ASTN2: variants seen among roughly 807,000 people sequenced by gnomAD.
The protein encoded by ASTN2 is astrotactin-2.
ASTN2 carries 54 observed loss-of-function variants against 139.8 expected under a neutral mutation model. That is an observed-to-expected ratio of 0.39 (90% CI 0.31 to 0.48). The LOEUF is 0.48. Among genes scored for constraint, ASTN2 ranks in the 20% least tolerant of loss-of-function variants. ASTN2 has a pLI of 0.95. For missense variants in ASTN2, 1,565 were observed against 1,725.1 expected, an observed-to-expected ratio of 0.91 and a Z score of 1.64; for synonymous variants, 756 against 719.5, an observed-to-expected ratio of 1.05 and a Z score of -0.81.
At chr9:117,262,948 G>A (rs1272252695) in intron 2 of ASTN2, among the ~76,000 whole-genome samples, 1 of 152,142 alleles carries the variant, frequency 6.6e-6, no homozygotes, top group Non-Finnish European at 1.5e-5. Context: ...GGAAAGGGCA[G>A]GAAATCATAT....
chr9:116,891,939 T>C (rs551554073), intron 10 of ASTN2, among the ~76,000 whole-genome samples: 32 of 152,328 alleles, frequency 2.1e-4, no homozygotes, highest in Admixed American at 2.0e-3. Context: ...AGCTATTACC[T>C]ACTATAACTG....
At chr9:116,505,194 C>T (rs568541308) in intron 19 of ASTN2, among the ~76,000 whole-genome samples, 1 of 151,778 alleles carries the variant, frequency 6.6e-6, no homozygotes, top group Non-Finnish European at 1.5e-5. Context: ...GACTTCTCAT[C>T]TCGTGTGCTT....
intron 7 of ASTN2, among the ~76,000 whole-genome samples, chr9:116,988,843 C>T (rs1023429473): frequency 2.6e-5 from 4 of 152,116 alleles, no homozygotes; most frequent in Non-Finnish European, 5.9e-5. Context: ...GATCCTGGAG[C>T]TCTCTTTTCC....
intron 4 of ASTN2, among the ~76,000 whole-genome samples, chr9:117,114,178 TA>T (rs199889979): frequency 1.1e-3 from 167 of 149,838 alleles, no homozygotes; most frequent in African/African-American, 3.8e-3. Context: ...TTTTTTTTTT[TA>T]AAAAAAAAGT....
intron 4 of ASTN2, among the ~76,000 whole-genome samples, chr9:117,096,398 T>C (rs772391065): frequency 1.3e-5 from 2 of 152,216 alleles, no homozygotes; most frequent in Non-Finnish European, 2.9e-5. Context: ...TTCTGAGCCC[T>C]GGGTTCTGTC....
chr9:116,831,653 G>A (rs1409639), intron 11 of ASTN2, among the ~76,000 whole-genome samples: 36,091 of 151,978 alleles, frequency 0.24, 4,904 homozygotes, highest in East Asian at 0.5. Context: ...AAGTTAACGA[G>A]GATGGGGTGA....
At chr9:116,721,063 G>A (rs1828459362) in intron 16 of ASTN2, among the ~76,000 whole-genome samples, 1 of 152,218 alleles carries the variant, frequency 6.6e-6, no homozygotes, top group African/African-American at 2.4e-5. Flanking sequence ...AAGTGGATGT[G>A]GCAGCCTTGG....
chr9:116,583,866 A>T (rs1245425265), intron 19 of ASTN2: 1 of 152,190 alleles, frequency 6.6e-6, no homozygotes, highest in Non-Finnish European at 1.5e-5. Flanking sequence ...ACTCTTTTAG[A>T]TGTAGAAGAG....
At chr9:116,703,500 C>A (rs553286330) in intron 16 of ASTN2, among the ~76,000 whole-genome samples, 1 of 150,534 alleles carries the variant, frequency 6.6e-6, no homozygotes, top group Admixed American at 6.7e-5. Flanking sequence ...ACCGCATATT[C>A]TCACTCATAG....
At position 116,789,920 on chromosome 9, in the gene ASTN2, CTTTTTTTTTTTT is replaced by C. The variant is rs57433960; in HGVS notation, c.2396+15700_2396+15711del. On this transcript the variant is annotated intron_variant, in intron 13 of 22. Coordinates refer to ENST00000313400, the MANE Select transcript of ASTN2 (RefSeq NM_001365068.1). ...ATCTTAACCTGACTTTTCTCTTTCT[CTTTTTTTTTTTT>C]TTTTTTTTTTTGAGATAGAGTCTTA... 5.8e-3 allele frequency among the ~76,000 whole-genome samples: 542 copies of C among 93,354 alleles called. 4 individuals are homozygous for C. Among genetic ancestry groups the C allele is most frequent in the African/African-American group, 0.018 (420 of 23,806 alleles). The allele number at this position is 93,354 out of a possible 152,430, so 61.2% of individuals were successfully genotyped here.
At chr9:117,245,639 T>A (rs780662988) in intron 2 of ASTN2, among the ~76,000 whole-genome samples, 11 of 152,212 alleles carry the variant, frequency 7.2e-5, no homozygotes, top group Admixed American at 5.2e-4. Flanking sequence ...ACACCCTGAA[T>A]GCACTGGGTG....
intron 4 of ASTN2, among the ~76,000 whole-genome samples, chr9:117,119,411 A>G (rs1284800404): frequency 6.6e-6 from 1 of 152,194 alleles, no homozygotes; most frequent in Non-Finnish European, 1.5e-5. Context: ...TCCTGTAGCC[A>G]GGACAAGGAG....
chr9:117,123,930 T>C (rs1264078551), intron 4 of ASTN2, among the ~76,000 whole-genome samples: 3 of 152,210 alleles, frequency 2.0e-5, no homozygotes, highest in East Asian at 3.9e-4. Flanking sequence ...GTCTGTGCTT[T>C]TGGAGGCTGA....
chr9:117,211,557 C>T (rs929577494), intron 3 of ASTN2, among the ~76,000 whole-genome samples: 3 of 152,144 alleles, frequency 2.0e-5, no homozygotes, highest in Non-Finnish European at 4.4e-5. Context: ...CTGTAAGTTT[C>T]CTGAGGCCTC....
In ASTN2 at chr9:116,951,329, C is replaced by T. The variant is rs192591982; in HGVS notation, c.1889+23879G>A. 1.8e-3 allele frequency among the ~76,000 whole-genome samples: 160 copies of T among 86,516 alleles called. 1 individual carries two copies. The East Asian group carries it at 0.038, about 21-fold the overall frequency. 56.8% of individuals were successfully genotyped at this position (86,516 alleles called of 152,430 possible). A position where few individuals can be genotyped will look rare whatever the true frequency, so the allele number is the denominator to read the frequency against. ...TCCAGCCTGGGCAACAAGAGTGAAA[C>T]TCTGTCTCAAAAAAAAAAAAAAAAA... On this transcript the variant is annotated intron_variant, in intron 10 of 22. Transcript: ENST00000313400.
At chr9:116,628,215 A>C (rs1418997428) in intron 17 of ASTN2, among the ~76,000 whole-genome samples, 1 of 152,202 alleles carries the variant, frequency 6.6e-6, no homozygotes, top group Non-Finnish European at 1.5e-5. Flanking sequence ...ATATAGTTCA[A>C]TGTAATAGAA....
At chr9:116,962,592 C>T (rs1669461700) in intron 10 of ASTN2, among the ~76,000 whole-genome samples, 1 of 152,130 alleles carries the variant, frequency 6.6e-6, no homozygotes, top group Non-Finnish European at 1.5e-5. Flanking sequence ...GACATTTGTT[C>T]ACATATTAAC....
rs536033228 is a variant in ASTN2 at position 117,298,951 on chromosome 9, G to A, written c.443-7438C>T. Among the ~76,000 whole-genome samples the A allele has an allele frequency of 6.6e-5, 10 of 152,044 alleles. No individual in the cohort carries two copies. The South Asian group carries it at 1.0e-3, about 16-fold the overall frequency. On this transcript the variant is annotated intron_variant, in intron 1 of 22. Coordinates refer to ENST00000313400, the MANE Select transcript of ASTN2 (RefSeq NM_001365068.1). ...GAGAGAAGAGACAGCAACTTGGGGT[G>A]TCAATAATGGCTGGATTCCCATACA...
intron 17 of ASTN2, among the ~76,000 whole-genome samples, chr9:116,646,717 A>T (rs994559770): frequency 6.6e-6 from 1 of 152,190 alleles, no homozygotes; most frequent in African/African-American, 2.4e-5. Context: ...ACTTGGAGGA[A>T]GCCGCCTACA....
Sources: gnomAD v4.1 joint callset for allele counts (sites outside exome capture counted in the v4.1 genomes callset) on GRCh38, gnomAD v4.1.1 for gene constraint, MANE v1.5 for transcripts, NCBI Gene and HGNC (gene_info 2026-07-23, HGNC 2026-07-21) for gene names.